Variants in OLFML2A observed in about 807,000 individuals in gnomAD.
OLFML2A encodes olfactomedin-like protein 2A.
A neutral mutation model predicts 60.9 loss-of-function variants in OLFML2A; 47 were observed. That is an observed-to-expected ratio of 0.77 (90% CI 0.61 to 0.98). The LOEUF (loss-of-function observed/expected upper bound fraction) is 0.98. Among genes scored for constraint, OLFML2A ranks in the 50% least tolerant of loss-of-function variants. The pLI, the probability that OLFML2A is intolerant of heterozygous loss-of-function variation, is 0.00. For missense variants in OLFML2A, 922 were observed against 879.8 expected (o/e 1.05, Z -0.61); for synonymous variants, 372 against 375.0 (o/e 0.99, Z 0.09).
rs137861078 is a variant in OLFML2A at position 124,805,973 on chromosome 9, G to A, written c.1168+1631G>A. Among the ~76,000 whole-genome samples, 1,500 of 151,452 alleles carry A rather than the reference G, an allele frequency of 9.9e-3. 16 individuals carry two copies. Among genetic ancestry groups the A allele is most frequent in the Non-Finnish European group, 0.018 (1,203 of 67,826 alleles). On this transcript the variant is annotated intron_variant, in intron 6 of 7. Transcript: ENST00000373580. ...TGGGATTTCAGGCACACACCACCAC[G>A]CCTGGCTAATTTTTCTAGTTTTAGT... is the stretch of plus-strand genomic sequence containing the variant.
chr9:124,790,895 G>A (rs1374704753), intron 2 of OLFML2A, among the ~76,000 whole-genome samples: 1 of 152,202 alleles, frequency 6.6e-6, no homozygotes, highest in East Asian at 1.9e-4. Flanking sequence ...CTCTACCCCA[G>A]CCCTTCCCCT....
At chr9:124,792,948 G>A (rs1381972613) in intron 2 of OLFML2A, among the ~76,000 whole-genome samples, 1 of 152,196 alleles carries the variant, frequency 6.6e-6, no homozygotes, top group Non-Finnish European at 1.5e-5. Flanking sequence ...CCAGGTTGTG[G>A]GAAAGCAGAG....
chr9:124,808,305 CCCCGTGTATCAGCTCTTGGTAGCTACAT>C (rs1350776836), intron 7 of OLFML2A, among the ~76,000 whole-genome samples: 1 of 152,128 alleles, frequency 6.6e-6, no homozygotes, highest in Non-Finnish European at 1.5e-5. Flanking sequence ...TGATCTCGCC[CCCCGTGTATCAGCTCTTGGTAGCTACAT>C]ACCTCCAGGA....
At chr9:124,803,396 G>A (rs1841820754) in intron 5 of OLFML2A, among the ~76,000 whole-genome samples, 2 of 152,014 alleles carry the variant, frequency 1.3e-5, no homozygotes, top group South Asian at 4.2e-4. Flanking sequence ...CCTAATAGCT[G>A]GGACTACAGG....
At chr9:124,778,812 A>G (rs1242568962) in intron 1 of OLFML2A, 1 of 213,686 alleles carries the variant, frequency 4.7e-6, no homozygotes, top group Non-Finnish European at 7.9e-6. Context: ...AAAACAAAAC[A>G]AACAAAAAAA....
At chr9:124,791,274 G>A (rs1388576719) in intron 2 of OLFML2A, among the ~76,000 whole-genome samples, 1 of 152,212 alleles carries the variant, frequency 6.6e-6, no homozygotes, top group African/African-American at 2.4e-5. Context: ...AAAGTGGGGT[G>A]GGTGTGGCAT....
intron 2 of OLFML2A, among the ~76,000 whole-genome samples, chr9:124,787,719 T>TA (rs761071279): frequency 6.6e-6 from 1 of 151,578 alleles, no homozygotes; most frequent in Non-Finnish European, 1.5e-5. Context: ...CCACCACACC[T>TA]AGTTAACTTT....
rs1173257900 is a variant in OLFML2A, at chr9:124,779,416, C to T, written c.90+2056C>T. ...GGGAGGGATATTTGGTGTTGGGCATCGTCTGTGCAGAGAGCTGTAGAGCTT... is the reference window on the plus strand; with the variant it reads ...GGGAGGGATATTTGGTGTTGGGCATTGTCTGTGCAGAGAGCTGTAGAGCTT... On this transcript the variant is annotated intron_variant, in intron 1 of 7. Coordinates refer to ENST00000373580, the MANE Select transcript of OLFML2A (RefSeq NM_182487.4). The surrounding 1 kb of genome is among the most constrained non-coding windows in gnomAD (Gnocchi z 4.1). Among the ~76,000 whole-genome samples the T allele has an allele frequency of 1.3e-5, 2 of 152,148 alleles. No individual in the cohort carries two copies. Among genetic ancestry groups the T allele is most frequent in the Non-Finnish European group, 2.9e-5 (2 of 68,030 alleles).
chr9:124,810,815 C>T lies in OLFML2A; in HGVS notation c.*403C>T, dbSNP rs569864146. ...TTCACCACGCCCTCCCCTCCCTGCC[C>T]TCCCCCATCTCCCCGGTCTCCCTTG... On this transcript the variant is annotated 3_prime_UTR_variant, in exon 8 of 8. Transcript: ENST00000373580. 1.7e-5 allele frequency: 1 copy of T among 58,504 alleles called. No individual in the cohort carries two copies. Among genetic ancestry groups the T allele is most frequent in the South Asian group, 2.1e-4 (1 of 4,690 alleles). The allele number at this position is 58,504 out of a possible 1,614,324, so 3.6% of individuals were successfully genotyped here. A position where few individuals can be genotyped will look rare whatever the true frequency, so the allele number is the denominator to read the frequency against.
At chr9:124,807,531 C>T (rs1381387860) in intron 6 of OLFML2A, among the ~76,000 whole-genome samples, 3 of 152,166 alleles carry the variant, frequency 2.0e-5, no homozygotes, top group Non-Finnish European at 4.4e-5. Context: ...GATCCACCTG[C>T]CTTGGCCTCC....
At chr9:124,801,002 T>G in intron 4 of OLFML2A, 1 of 1,551,130 alleles carries the variant, frequency 6.4e-7, no homozygotes, top group Non-Finnish European at 8.7e-7. Flanking sequence ...TTGGTCACCT[T>G]GCCTAGGTGC....
chr9:124,788,992 G>A (rs949760386), intron 2 of OLFML2A, among the ~76,000 whole-genome samples: 6 of 152,072 alleles, frequency 3.9e-5, no homozygotes, highest in Admixed American at 2.0e-4. Context: ...GAGTGCAGTC[G>A]TGCAAACACA....
chr9:124,810,691 G>C lies in OLFML2A; in HGVS notation c.*279G>C. 6.4e-6 allele frequency: 3 copies of C among 470,550 alleles called. No homozygotes were observed. Among genetic ancestry groups the C allele is most frequent in the Non-Finnish European group, 1.1e-5 (3 of 261,922 alleles). 29.1% of individuals were successfully genotyped at this position (470,550 alleles called of 1,614,324 possible). A position where few individuals can be genotyped will look rare whatever the true frequency, so the allele number is the denominator to read the frequency against. On this transcript the variant is annotated 3_prime_UTR_variant, in exon 8 of 8. Coordinates refer to ENST00000373580, the MANE Select transcript of OLFML2A (RefSeq NM_182487.4). ...GATCATGAACCCATTTAACAGACGA[G>C]GAGACAGGCTCAGAGAGGCACCGTC... is the stretch of plus-strand genomic sequence containing the variant.
chr9:124,781,831 T>C (rs999989636), intron 1 of OLFML2A, among the ~76,000 whole-genome samples: 7 of 151,782 alleles, frequency 4.6e-5, no homozygotes, highest in African/African-American at 1.7e-4. Context: ...TCTATTCAGT[T>C]GCTGGAACAT....
Position 124,777,283 on chromosome 9 carries a change from G to A in OLFML2A, c.13G>A (p.Ala5Thr), listed in dbSNP as rs1426395720. The A allele has an allele frequency of 1.6e-6, 2 of 1,232,432 alleles. No individual in the cohort carries two copies. The highest frequency in any genetic ancestry group is 1.6e-5 in the African/African-American group (1 of 63,804). The allele number at this position is 1,232,432 out of a possible 1,614,324, so 76.3% of individuals were successfully genotyped here. Residue 5 changes from alanine to threonine, a missense_variant, in exon 1 of 8, where the codon GCC becomes ACC. Transcript: ENST00000373580. This position sits in a 1 kb window ranked among gnomAD's most constrained non-coding sequence, Gnocchi z 6.2. MAAA[A>T]LPPRPLLLLP... ...TGCCCGTGGCGCCATGGCCGCTGCC[G>A]CCCTCCCGCCCCGGCCGCTGCTCCT...
intron 2 of OLFML2A, among the ~76,000 whole-genome samples, chr9:124,794,495 G>A (rs1050203091): frequency 2.0e-5 from 3 of 152,196 alleles, no homozygotes; most frequent in African/African-American, 7.2e-5. Context: ...ACGTGGTAAG[G>A]GCTCAGAAGA....
intron 7 of OLFML2A, among the ~76,000 whole-genome samples, chr9:124,808,365 A>G (rs1194853867): frequency 6.6e-6 from 1 of 152,168 alleles, no homozygotes; most frequent in Non-Finnish European, 1.5e-5. Flanking sequence ...CACCTGTTTT[A>G]TAGGTGCGCA....
intron 2 of OLFML2A, among the ~76,000 whole-genome samples, chr9:124,789,020 C>T (rs576519843): frequency 6.6e-6 from 1 of 152,290 alleles, no homozygotes; most frequent in African/African-American, 2.4e-5. Context: ...GCAGCCTCAA[C>T]CTCCCAGGCT....
chr9:124,794,944 C>A, intron 2 of OLFML2A, 80 bp from the exon 3 acceptor site: 1 of 823,342 alleles, frequency 1.2e-6, no homozygotes, highest in African/African-American at 1.7e-5. Flanking sequence ...TTCTCAATTG[C>A]AGCAGGGTTC....
Sources: gnomAD v4.1 joint callset for allele counts (sites outside exome capture counted in the v4.1 genomes callset) on GRCh38, gnomAD v4.1.1 for gene constraint, Gnocchi (gnomAD v3.1) non-coding constraint, MANE v1.5 for transcripts, NCBI Gene and HGNC (gene_info 2026-07-23, HGNC 2026-07-21) for gene names.